RGS3: variants seen among roughly 807,000 people sequenced by gnomAD.
RGS3 encodes the protein regulator of G protein signaling 3.
A neutral mutation model predicts 132.6 loss-of-function variants in RGS3; 80 were observed. That is an observed-to-expected ratio of 0.60 (90% CI 0.50 to 0.73). The LOEUF (loss-of-function observed/expected upper bound fraction) is 0.73, where lower values mean the gene tolerates loss of function less well. Among genes scored for constraint, RGS3 ranks in the 30% least tolerant of loss-of-function variants. The probability of loss-of-function intolerance (pLI) is 0.00; values close to 1 mark genes in which losing one functional copy is unlikely to be tolerated. For synonymous variants in RGS3, 598 were observed against 620.6 expected (o/e 0.96, Z 0.54); for missense variants, 1,382 against 1,530.8 (o/e 0.90, Z 1.62).
intron 19 of RGS3, among the ~76,000 whole-genome samples, chr9:113,562,429 A>T (rs144230401): frequency 2.0e-5 from 3 of 149,996 alleles, no homozygotes; most frequent in Non-Finnish European, 4.4e-5. Context: ...GTGAGCCAAG[A>T]TCGTGCCACT....
At position 113,463,763 on chromosome 9, in the gene RGS3, C is replaced by T. The variant is rs1181613446; in HGVS notation, c.415+1562C>T. The T allele has an allele frequency of 2.5e-6, 4 of 1,575,698 alleles. No individual in the cohort carries two copies. Among genetic ancestry groups the T allele is most frequent in the Non-Finnish European group, 2.6e-6 (3 of 1,162,682 alleles). Reference sequence around the variant, plus strand: ...TTACTGGGGAGCAACACAGCCGCCTCGGGTTGCAGACGCTCCTGTCCGGGT... The same window carrying T: ...TTACTGGGGAGCAACACAGCCGCCTTGGGTTGCAGACGCTCCTGTCCGGGT... On this transcript the variant is annotated intron_variant, in intron 3 of 24. Transcript: ENST00000350696. The surrounding 1 kb of genome is among the most constrained non-coding windows in gnomAD (Gnocchi z 4.6).
intron 15 of RGS3, among the ~76,000 whole-genome samples, chr9:113,517,066 G>T (rs1246861329): frequency 6.6e-6 from 1 of 152,234 alleles, no homozygotes; most frequent in Non-Finnish European, 1.5e-5. Flanking sequence ...CAGTTCAAGT[G>T]TGCTATGAGT....
chr9:113,475,676 C>T (rs1158693045), intron 3 of RGS3, among the ~76,000 whole-genome samples: 1 of 152,086 alleles, frequency 6.6e-6, no homozygotes, highest in Non-Finnish European at 1.5e-5. Flanking sequence ...TCCCAAAGTG[C>T]TGGGATTACA....
intron 19 of RGS3, among the ~76,000 whole-genome samples, chr9:113,572,019 A>T (rs1588270286): frequency 1.3e-5 from 2 of 152,270 alleles, no homozygotes; most frequent in Admixed American, 1.3e-4. Context: ...TTGAATTTTG[A>T]AGAATGAGTA....
intron 19 of RGS3, among the ~76,000 whole-genome samples, chr9:113,561,147 C>T (rs1800339050): frequency 6.6e-6 from 1 of 152,118 alleles, no homozygotes; most frequent in Non-Finnish European, 1.5e-5. Context: ...CCTCAGCCTC[C>T]CAAGTAGCTG....
chr9:113,473,268 A>G (rs1829890401), intron 3 of RGS3, among the ~76,000 whole-genome samples: 1 of 152,212 alleles, frequency 6.6e-6, no homozygotes, highest in Non-Finnish European at 1.5e-5. Flanking sequence ...GACTTTGTGG[A>G]CAAATTTTAA....
rs149902414 is a variant in RGS3, at chr9:113,531,222, A to G, written c.1914+1958A>G. Among the ~76,000 whole-genome samples, 128 of 152,316 alleles carry G rather than the reference A, an allele frequency of 8.4e-4. 2 individuals are homozygous for G. Among genetic ancestry groups the G allele is most frequent in the African/African-American group, 2.6e-3 (107 of 41,576 alleles). ...ATACACTGGACAGATGCAGCCCACA[A>G]TTGGCTTCAGAACACAGAAGGCTCT... On this transcript the variant is annotated intron_variant, in intron 18 of 24. Coordinates refer to ENST00000350696, the Ensembl canonical transcript of RGS3.
chr9:113,461,438 C>T (rs1397561222), intron 1 of RGS3, among the ~76,000 whole-genome samples: 1 of 152,190 alleles, frequency 6.6e-6, no homozygotes. Context: ...CTCTCTCCTC[C>T]ATCTCTTGAG....
intron 19 of RGS3, among the ~76,000 whole-genome samples, chr9:113,551,821 T>C (rs1833353421): frequency 6.6e-6 from 1 of 152,184 alleles, no homozygotes; most frequent in Admixed American, 6.5e-5. Context: ...ATCATGCCAC[T>C]GCACTCCAGT....
intron 14 of RGS3, among the ~76,000 whole-genome samples, chr9:113,513,289 G>A (rs1204736586): frequency 2.0e-5 from 3 of 149,118 alleles, no homozygotes; most frequent in Non-Finnish European, 4.5e-5. Context: ...CTTAAAGAGG[G>A]ACCCCTCCCC....
intron 1 of RGS3, among the ~76,000 whole-genome samples, chr9:113,451,215 C>G (rs1462132465): frequency 2.0e-5 from 3 of 151,512 alleles, no homozygotes; most frequent in Non-Finnish European, 4.4e-5. Context: ...TGGGGGCAGG[C>G]CTTCAGTGAT....
At chr9:113,522,725 C>T (rs1832013677) in intron 16 of RGS3, 2 of 579,190 alleles carry the variant, frequency 3.5e-6, no homozygotes, top group South Asian at 4.1e-5. Context: ...GTATAGGAAG[C>T]TGGAGGGTGA....
chr9:113,514,723 G>A, intron 15 of RGS3, 69 bp downstream of exon 13: 1 of 1,500,494 alleles, frequency 6.7e-7, no homozygotes. Flanking sequence ...CTTGCCCCAG[G>A]ACTCAGGGAT....
chr9:113,565,190 C>A lies in RGS3; in HGVS notation c.2038-18260C>A. 1 of 1,238,916 alleles carries A rather than the reference C, an allele frequency of 8.1e-7. No individual in the cohort carries two copies. 76.7% of individuals were successfully genotyped at this position (1,238,916 alleles called of 1,614,324 possible). On this transcript the variant is annotated intron_variant, in intron 19 of 24. Transcript: ENST00000350696. This position sits in a 1 kb window ranked among gnomAD's most constrained non-coding sequence, Gnocchi z 5.7. ...TGTGAGCATGTAACCCGGGAGCCAG[C>A]TGGGCCCCTCGCGGGGTGGGCAGAA...
chr9:113,458,125 C>T (rs1829400711), upstream of RGS3, among the ~76,000 whole-genome samples: 1 of 152,244 alleles, frequency 6.6e-6, no homozygotes, highest in Non-Finnish European at 1.5e-5. Flanking sequence ...CCATGTTGCT[C>T]AGGCTGGTCT....
chr9:113,552,919 GT>G (rs1239632211), intron 19 of RGS3, among the ~76,000 whole-genome samples: 1 of 151,846 alleles, frequency 6.6e-6, no homozygotes, highest in East Asian at 1.9e-4. Flanking sequence ...ATTATATTTG[GT>G]TTTTTAACTG....
intron 23 of RGS3, chr9:113,595,223 T>C: frequency 1.7e-6 from 1 of 587,994 alleles, no homozygotes; most frequent in Non-Finnish European, 3.0e-6. Flanking sequence ...CCGTGGGACC[T>C]GTGTGCTCAG....
At chr9:113,504,414 A>G (rs1026093511) in intron 10 of RGS3, among the ~76,000 whole-genome samples, 7 of 152,294 alleles carry the variant, frequency 4.6e-5, no homozygotes, top group Admixed American at 1.3e-4. Flanking sequence ...ATGGGCTGGC[A>G]GACCACCCTA....
chr9:113,564,698 T>C (rs55931715), intron 19 of RGS3, among the ~76,000 whole-genome samples: 18,173 of 152,216 alleles, frequency 0.12, 1,301 homozygotes, highest in African/African-American at 0.19. Context: ...CCCTCCCAGC[T>C]GGCTGTCTCC....
Sources: gnomAD v4.1 joint callset for allele counts (sites outside exome capture counted in the v4.1 genomes callset) on GRCh38, gnomAD v4.1.1 for gene constraint, Gnocchi (gnomAD v3.1) non-coding constraint, MANE v1.5 for transcripts, NCBI Gene and HGNC (gene_info 2026-07-23, HGNC 2026-07-21) for gene names.